The following ERI1 variants were observed in gnomAD, a reference collection of about 807,000 sequenced individuals.
ERI1 encodes 3'-5' exoribonuclease 1.
Under a neutral mutation model 39.7 loss-of-function variants are expected in ERI1, and 39 were observed. That is an observed-to-expected ratio of 0.98 (90% CI 0.76 to 1.28). ERI1 has a LOEUF of 1.28. Among genes scored for constraint, ERI1 ranks in the 50% most tolerant of loss-of-function variants. The pLI is 0.00. For synonymous variants in ERI1, 204 were observed against 149.6 expected (o/e 1.36, Z -2.65); for missense variants, 581 against 416.9 (o/e 1.39, Z -3.43).
chr8:9,077,760 TC>T (rs1237249092), intron 3 of ERI1, among the ~76,000 whole-genome samples: 1 of 152,202 alleles, frequency 6.6e-6, no homozygotes, highest in Non-Finnish European at 1.5e-5. Flanking sequence ...CTGGAGGAAC[TC>T]CCCTTTAGTC....
intron 3 of ERI1, among the ~76,000 whole-genome samples, chr8:9,059,790 G>A (rs1040058981): frequency 3.3e-5 from 5 of 152,156 alleles, no homozygotes; most frequent in African/African-American, 4.8e-5. Flanking sequence ...GAAACAGTGT[G>A]AACCGGCAGT....
At chr8:9,077,668 G>T (rs1306701917) in intron 3 of ERI1, among the ~76,000 whole-genome samples, 1 of 152,182 alleles carries the variant, frequency 6.6e-6, no homozygotes. Flanking sequence ...GGTAGCCTAT[G>T]GTAAAAGTCT....
At chr8:9,027,274 T>A (rs929027371) in intron 6 of ERI1, among the ~76,000 whole-genome samples, 8 of 152,024 alleles carry the variant, frequency 5.3e-5, no homozygotes, top group African/African-American at 1.9e-4. Context: ...TTTCATGTGA[T>A]TTTTAGCCAT....
intron 2 of ERI1, among the ~76,000 whole-genome samples, 157 bp from the exon 3 acceptor site, chr8:9,011,385 C>G (rs941364674): frequency 1.3e-5 from 2 of 152,178 alleles, no homozygotes; most frequent in Admixed American, 6.5e-5. Flanking sequence ...TCTTTGCTAA[C>G]TTAGCTTTGA....
chr8:9,068,141 C>G (rs1425263639), intron 3 of ERI1, among the ~76,000 whole-genome samples: 1 of 152,104 alleles, frequency 6.6e-6, no homozygotes, highest in Non-Finnish European at 1.5e-5. Flanking sequence ...CCTTAATTAA[C>G]TTCTTTTTAA....
chr8:9,025,716 G>T (rs1818406991), intron 6 of ERI1, among the ~76,000 whole-genome samples: 1 of 151,612 alleles, frequency 6.6e-6, no homozygotes, highest in African/African-American at 2.4e-5. Context: ...GTGTGTGTGT[G>T]TGTGTGTGTG....
chr8:9,050,545 C>T (rs1585261880), intron 3 of ERI1, among the ~76,000 whole-genome samples: 1 of 151,830 alleles, frequency 6.6e-6, no homozygotes, highest in South Asian at 2.1e-4. Flanking sequence ...GTTCTTGAAG[C>T]TAGAACAGAA....
chr8:9,017,475 C>T (rs1035980754), intron 4 of ERI1, among the ~76,000 whole-genome samples: 1 of 152,118 alleles, frequency 6.6e-6, no homozygotes, highest in African/African-American at 2.4e-5. Context: ...TTGTATATAT[C>T]TTTATGTGTA....
Position 9,013,029 on chromosome 8 carries a change from T to C in ERI1, c.498+1277T>C, listed in dbSNP as rs555252213. ...AAAATTGACCATTCTCACTTTTTTT[T>C]TTCTTTTTTAAGATAGAGTCTTGTA... On this transcript the variant is annotated intron_variant, in intron 3 of 6. Transcript: ENST00000250263. Among the ~76,000 whole-genome samples the C allele has an allele frequency of 3.9e-5, 6 of 151,916 alleles. No individual in the cohort carries two copies. The South Asian group carries it at 1.2e-3, about 32-fold the overall frequency.
chr8:9,056,952 G>T (rs1315172364), intron 3 of ERI1, among the ~76,000 whole-genome samples: 1 of 152,000 alleles, frequency 6.6e-6, no homozygotes, highest in Non-Finnish European at 1.5e-5. Flanking sequence ...TTCTACCTCA[G>T]CCTCCCGAGT....
intron 3 of ERI1, among the ~76,000 whole-genome samples, chr8:9,077,691 G>C (rs1172664932): frequency 6.6e-6 from 1 of 152,196 alleles, no homozygotes; most frequent in Non-Finnish European, 1.5e-5. Context: ...CTGAGCAAGA[G>C]GTCAGACCTT....
intron 3 of ERI1, among the ~76,000 whole-genome samples, chr8:9,052,618 G>T (rs1798395406): frequency 6.6e-6 from 1 of 152,162 alleles, no homozygotes; most frequent in African/African-American, 2.4e-5. Context: ...AGTTGGCAAG[G>T]AGGTTAAATA....
chr8:9,068,797 A>G (rs1798962414), intron 3 of ERI1, among the ~76,000 whole-genome samples: 2 of 152,132 alleles, frequency 1.3e-5, no homozygotes, highest in African/African-American at 2.4e-5. Flanking sequence ...AGTGATTGGC[A>G]CTGTTTTTAA....
chr8:9,027,269 T>A (rs1438267980), intron 6 of ERI1, among the ~76,000 whole-genome samples: 1 of 152,120 alleles, frequency 6.6e-6, no homozygotes, highest in Non-Finnish European at 1.5e-5. Flanking sequence ...CATCTTTTCA[T>A]GTGATTTTTA....
At chr8:9,067,392 G>GTA (rs1798912801) in intron 3 of ERI1, among the ~76,000 whole-genome samples, 4 of 145,256 alleles carry the variant, frequency 2.8e-5, no homozygotes, top group African/African-American at 1.1e-4. Context: ...ATGTGTGTGT[G>GTA]TGTGTGTGTG....
At chr8:9,055,065 G>C (rs190168011) in intron 3 of ERI1, among the ~76,000 whole-genome samples, 1 of 152,184 alleles carries the variant, frequency 6.6e-6, no homozygotes, top group Non-Finnish European at 1.5e-5. Flanking sequence ...AACAATTCGC[G>C]AATCAGCAGC....
chr8:9,026,027 T>C (rs765508419), intron 6 of ERI1, among the ~76,000 whole-genome samples: 1 of 152,186 alleles, frequency 6.6e-6, no homozygotes, highest in African/African-American at 2.4e-5. Context: ...TCTGGTTGTT[T>C]GGCATCATCT....
Position 9,030,101 on chromosome 8 carries a change from G to GAAT in ERI1, c.*68_*70dup, listed in dbSNP as rs1301639575. Reference sequence around the variant, plus strand: ...GAAGAGGTAGCAGATGAATCTCATTGAATTAGTCCTGTAGTGCAAACTTTA... The same window carrying GAAT: ...GAAGAGGTAGCAGATGAATCTCATTGAATAATTAGTCCTGTAGTGCAAACTTTA... On this transcript the variant is annotated 3_prime_UTR_variant, in exon 7 of 7. Transcript: ENST00000250263. The GAAT allele has an allele frequency of 3.8e-6, 6 of 1,589,322 alleles. No individual in the cohort carries two copies. Among genetic ancestry groups the GAAT allele is most frequent in the Non-Finnish European group, 5.2e-6 (6 of 1,163,060 alleles).
intron 3 of ERI1, chr8:9,072,411 C>G (rs1284051128): frequency 6.6e-6 from 1 of 152,154 alleles, no homozygotes; most frequent in Non-Finnish European, 1.5e-5. Context: ...GCAACCATTA[C>G]CACAGCCAAT....
Sources: allele counts gnomAD v4.1 joint callset (sites outside exome capture counted in the v4.1 genomes callset), GRCh38; gene constraint gnomAD v4.1.1; transcripts MANE v1.5; gene names NCBI Gene and HGNC (gene_info 2026-07-23, HGNC 2026-07-21).